IGSF21: variants seen among roughly 807,000 people sequenced by gnomAD.
IGSF21 encodes the protein immunoglobin superfamily member 21, also known as immunoglobulin superfamily member 21.
Under a neutral mutation model 46.8 loss-of-function variants are expected in IGSF21, and 28 were observed. That is an observed-to-expected ratio of 0.60 (90% CI 0.44 to 0.82). IGSF21 has a LOEUF of 0.82. Ranked by LOEUF, IGSF21 falls within the 40% of genes least tolerant of loss-of-function variation. The probability of loss-of-function intolerance (pLI) is 0.00; values close to 1 mark genes in which losing one functional copy is unlikely to be tolerated. For missense variants in IGSF21, 624 were observed against 665.5 expected, an observed-to-expected ratio of 0.94 and a Z score of 0.69; for synonymous variants, 284 against 273.6, an observed-to-expected ratio of 1.04 and a Z score of -0.38.
At chr1:18,108,318 C>G (rs1023368356) in intron 1 of IGSF21, 120 bp downstream of exon 1, 23 of 1,084,690 alleles carry the variant, frequency 2.1e-5, no homozygotes, top group Non-Finnish European at 2.7e-5. Context: ...CGGTCCTGCC[C>G]GGGGTCTGTG....
chr1:18,158,875 T>G (rs1182381039), intron 1 of IGSF21, among the ~76,000 whole-genome samples: 1 of 152,214 alleles, frequency 6.6e-6, no homozygotes, highest in Non-Finnish European at 1.5e-5. Context: ...TGCCCAGGCA[T>G]AGAATCTGGA....
intron 1 of IGSF21, among the ~76,000 whole-genome samples, chr1:18,156,071 C>T (rs1328120138): frequency 6.6e-6 from 1 of 152,194 alleles, no homozygotes; most frequent in Admixed American, 6.5e-5. Flanking sequence ...TGGGCCAGGG[C>T]ACCTCTCACA....
At chr1:18,215,668 A>G (rs1234445429) in intron 1 of IGSF21, among the ~76,000 whole-genome samples, 1 of 152,224 alleles carries the variant, frequency 6.6e-6, no homozygotes, top group Non-Finnish European at 1.5e-5. Flanking sequence ...TAAGTAAGTC[A>G]GGATGGCTGT....
chr1:18,338,023 T>C (rs554717098), intron 4 of IGSF21, among the ~76,000 whole-genome samples: 180 of 152,184 alleles, frequency 1.2e-3, no homozygotes, highest in African/African-American at 4.1e-3. Flanking sequence ...ATACAGCATC[T>C]CCTGTAACCC....
chr1:18,266,771 G>A (rs1352850361), intron 2 of IGSF21, among the ~76,000 whole-genome samples: 5 of 152,336 alleles, frequency 3.3e-5, no homozygotes, highest in East Asian at 1.9e-4. Flanking sequence ...CCAAGAAGTC[G>A]TGAAAATGGG....
At chr1:18,188,430 C>T (rs1054234818) in intron 1 of IGSF21, among the ~76,000 whole-genome samples, 4 of 152,148 alleles carry the variant, frequency 2.6e-5, no homozygotes, top group African/African-American at 7.2e-5. Flanking sequence ...TAGATCACCG[C>T]AGGGAAGGCT....
At chr1:18,305,130 T>C (rs895253484) in intron 3 of IGSF21, among the ~76,000 whole-genome samples, 2 of 152,140 alleles carry the variant, frequency 1.3e-5, no homozygotes, top group Non-Finnish European at 2.9e-5. Flanking sequence ...AGATGAGTGG[T>C]TAAGAGACTT....
At chr1:18,115,484 A>G (rs558309973) in intron 1 of IGSF21, 1 of 152,294 alleles carries the variant, frequency 6.6e-6, no homozygotes, top group Admixed American at 6.5e-5. Flanking sequence ...TGTTGAATGA[A>G]TGAATGATGT....
intron 1 of IGSF21, among the ~76,000 whole-genome samples, chr1:18,160,294 A>G (rs1422207429): frequency 6.6e-6 from 1 of 152,200 alleles, no homozygotes; most frequent in East Asian, 1.9e-4. Flanking sequence ...GCCTTCCTAT[A>G]CTTATCCATA....
At chr1:18,283,395 C>T (rs1386917084) in intron 2 of IGSF21, among the ~76,000 whole-genome samples, 1 of 152,158 alleles carries the variant, frequency 6.6e-6, no homozygotes, top group African/African-American at 2.4e-5. Flanking sequence ...CATCTGGTAT[C>T]CTCTTCCCCC....
intron 2 of IGSF21, among the ~76,000 whole-genome samples, chr1:18,259,836 C>A (rs1396034402): frequency 6.6e-6 from 1 of 152,116 alleles, no homozygotes. Flanking sequence ...GGCTTGGGAA[C>A]CCAAGTGAAG....
chr1:18,319,310 C>T (rs950750035), intron 3 of IGSF21, among the ~76,000 whole-genome samples: 1 of 152,244 alleles, frequency 6.6e-6, no homozygotes, highest in African/African-American at 2.4e-5. Context: ...TATAAGAACC[C>T]TTTAGGAATT....
chr1:18,368,704 C>A (rs2086193383), intron 6 of IGSF21, among the ~76,000 whole-genome samples: 1 of 152,134 alleles, frequency 6.6e-6, no homozygotes, highest in African/African-American at 2.4e-5. Context: ...CCTGACAGAG[C>A]AGCCTCCACC....
In IGSF21 at chr1:18,250,230, G is replaced by A. The variant is rs138281662; in HGVS notation, c.183+22220G>A. ...GTAAATGTTCTGACGATGCTCTCAG[G>A]TGCCAGGGCTGTGTCTTCAGCATCA... On this transcript the variant is annotated intron_variant, in intron 2 of 9. Transcript: ENST00000251296. Among the ~76,000 whole-genome samples, 722 of 151,720 alleles carry A rather than the reference G, an allele frequency of 4.8e-3. 4 individuals carry two copies. Among genetic ancestry groups the A allele is most frequent in the African/African-American group, 0.016 (671 of 41,322 alleles).
At chr1:18,160,985 G>C (rs2086615494) in intron 1 of IGSF21, among the ~76,000 whole-genome samples, 1 of 152,152 alleles carries the variant, frequency 6.6e-6, no homozygotes, top group Non-Finnish European at 1.5e-5. Context: ...ACACTGGGAA[G>C]TCATTATGGG....
intron 2 of IGSF21, among the ~76,000 whole-genome samples, chr1:18,255,656 C>A (rs546463639): frequency 6.6e-6 from 1 of 152,244 alleles, no homozygotes; most frequent in African/African-American, 2.4e-5. Context: ...TTCCTCTCTG[C>A]ATCTTACACC....
At chr1:18,259,317 A>T (rs1421103778) in intron 2 of IGSF21, among the ~76,000 whole-genome samples, 1 of 152,122 alleles carries the variant, frequency 6.6e-6, no homozygotes, top group African/African-American at 2.4e-5. Context: ...GGAGATCCAT[A>T]CCCATCTCAC....
chr1:18,261,147 CA>C (rs1214442245), intron 2 of IGSF21, among the ~76,000 whole-genome samples: 1 of 152,212 alleles, frequency 6.6e-6, no homozygotes, highest in African/African-American at 2.4e-5. Flanking sequence ...TCAGCCAGGC[CA>C]AGCATCTCTG....
At chr1:18,252,742 T>C (rs2124528780) in intron 2 of IGSF21, among the ~76,000 whole-genome samples, 1 of 152,322 alleles carries the variant, frequency 6.6e-6, no homozygotes, top group African/African-American at 2.4e-5. Flanking sequence ...TTCTTGTGCC[T>C]GAGAAACAAT....
Sources: allele counts gnomAD v4.1 joint callset (sites outside exome capture counted in the v4.1 genomes callset), GRCh38; gene constraint gnomAD v4.1.1; transcripts MANE v1.5; gene names NCBI Gene and HGNC (gene_info 2026-07-23, HGNC 2026-07-21).